The following NTM variants were observed in gnomAD, a reference collection of about 807,000 sequenced individuals.
NTM encodes IgLON family member 2.
A neutral mutation model predicts 42.1 loss-of-function variants in NTM; 13 were observed. The observed-to-expected ratio is 0.31, with a 90% CI of 0.20 to 0.49. The LOEUF is 0.49. Among genes scored for constraint, NTM ranks in the 20% least tolerant of loss-of-function variants. NTM has a pLI of 0.99. For missense variants in NTM, 373 were observed against 452.8 expected, an observed-to-expected ratio of 0.82 and a Z score of 1.60; for synonymous variants, 187 against 179.2, an observed-to-expected ratio of 1.04 and a Z score of -0.35.
intron 3 of NTM, among the ~76,000 whole-genome samples, chr11:132,150,169 A>T (rs768462510): frequency 5.3e-5 from 8 of 152,162 alleles, no homozygotes; most frequent in Non-Finnish European, 1.0e-4. Flanking sequence ...TGAGAGAAAA[A>T]GCCAGAGACA....
chr11:131,980,411 C>T (rs1257311282), intron 2 of NTM, among the ~76,000 whole-genome samples: 4 of 152,128 alleles, frequency 2.6e-5, no homozygotes, highest in African/African-American at 9.7e-5. Flanking sequence ...GCCAAACACC[C>T]ACTTGGAAAT....
chr11:131,927,559 C>T (rs1482999377), intron 2 of NTM, among the ~76,000 whole-genome samples: 1 of 152,220 alleles, frequency 6.6e-6, no homozygotes, highest in Non-Finnish European at 1.5e-5. Flanking sequence ...CCTCTGGAAG[C>T]CACATGCACT....
chr11:131,940,324 C>A (rs547826688), intron 2 of NTM, among the ~76,000 whole-genome samples: 3 of 152,202 alleles, frequency 2.0e-5, no homozygotes, highest in Non-Finnish European at 4.4e-5. Flanking sequence ...TTATCAGCTC[C>A]TCCCAGGCCT....
At chr11:131,900,585 G>C (rs1427658583) in intron 1 of NTM, among the ~76,000 whole-genome samples, 2 of 152,174 alleles carry the variant, frequency 1.3e-5, no homozygotes, top group Non-Finnish European at 2.9e-5. Context: ...TGGAGGTTGA[G>C]AAAGGTGGAT....
At chr11:132,130,827 G>A (rs917424051) in intron 2 of NTM, among the ~76,000 whole-genome samples, 1 of 152,202 alleles carries the variant, frequency 6.6e-6, no homozygotes, top group Non-Finnish European at 1.5e-5. Context: ...CTCACGGTGA[G>A]AACTGCACGG....
chr11:132,000,175 C>T (rs999063651), intron 2 of NTM, among the ~76,000 whole-genome samples: 3 of 152,188 alleles, frequency 2.0e-5, no homozygotes, highest in African/African-American at 7.2e-5. Flanking sequence ...CACTCCCAGA[C>T]AGTCCCTGCC....
In NTM at chr11:132,316,941, T is replaced by C. The variant is rs547723789; in HGVS notation, c.934+2238T>C. ...CAGGTTGGAAAGCAGCATGTACTTT[T>C]TGCGAATATACAAACTTCTTGATGA... On this transcript the variant is annotated intron_variant, in intron 7 of 8. Coordinates refer to ENST00000683400, the MANE Select transcript of NTM (RefSeq NM_001352005.2). Among the ~76,000 whole-genome samples, 10 of 152,270 alleles carry C rather than the reference T, an allele frequency of 6.6e-5. No homozygotes were observed. The East Asian group carries it at 1.7e-3, about 26-fold the overall frequency.
intron 1 of NTM, among the ~76,000 whole-genome samples, chr11:131,676,848 C>T (rs1270965451): frequency 6.6e-6 from 1 of 152,252 alleles, no homozygotes; most frequent in Non-Finnish European, 1.5e-5. Context: ...AGCCCAGATC[C>T]ACTTCAGCCT....
At chr11:131,888,173 C>A (rs750481652) in intron 1 of NTM, among the ~76,000 whole-genome samples, 1 of 151,988 alleles carries the variant, frequency 6.6e-6, no homozygotes, top group African/African-American at 2.4e-5. Context: ...TGGTGGCGTG[C>A]GCCTGTGGTT....
chr11:132,251,734 C>T (rs911712125), intron 4 of NTM, among the ~76,000 whole-genome samples: 2 of 152,168 alleles, frequency 1.3e-5, no homozygotes, highest in Non-Finnish European at 2.9e-5. Context: ...AAATGATCCT[C>T]GGTGTGTATT....
intron 2 of NTM, among the ~76,000 whole-genome samples, chr11:131,976,084 C>T (rs1350667411): frequency 6.6e-6 from 1 of 151,632 alleles, no homozygotes; most frequent in East Asian, 2.0e-4. Flanking sequence ...TTTGATGGTC[C>T]TTCCTTCCCT....
intron 1 of NTM, among the ~76,000 whole-genome samples, chr11:131,392,344 G>C (rs892981446): frequency 6.6e-6 from 1 of 151,532 alleles, no homozygotes; most frequent in Non-Finnish European, 1.5e-5. Flanking sequence ...TGAAGGGATG[G>C]GAGTCCTGTG....
intron 1 of NTM, among the ~76,000 whole-genome samples, chr11:131,844,576 GATGTTGTGTTTCTCTGCCCATGAAC>G (rs1406876580): frequency 5.3e-5 from 8 of 152,224 alleles, no homozygotes; most frequent in Admixed American, 2.0e-4. Context: ...ACATATTTAT[GATGTTGTGTTTCTCTGCCCATGAAC>G]ATGTTATATG....
intron 1 of NTM, chr11:131,910,837 G>A (rs2054745853): frequency 2.0e-6 from 2 of 984,944 alleles, no homozygotes; most frequent in African/African-American, 1.7e-5. Context: ...GCGCGCATTT[G>A]GGCTCCGAGG....
intron 1 of NTM, among the ~76,000 whole-genome samples, chr11:131,403,336 CCTTA>C (rs1945455589): frequency 6.6e-6 from 1 of 152,168 alleles, no homozygotes; most frequent in Admixed American, 6.5e-5. Flanking sequence ...TCACTTCACT[CCTTA>C]CTTTCTATAG....
At chr11:131,763,878 G>T (rs2084678265) in intron 1 of NTM, among the ~76,000 whole-genome samples, 2 of 151,430 alleles carry the variant, frequency 1.3e-5, no homozygotes, top group Admixed American at 6.6e-5. Context: ...TGTTTTCATT[G>T]TTGTTAATAT....
chr11:131,598,782 C>CT lies in NTM; in HGVS notation c.82+227896dup, dbSNP rs1209400630. ...TCTTTCTTTTTTTCTTTCTTTCTTT[C>CT]TTCTTTCTTTCTTTCTTTTTCTTTC... is the stretch of plus-strand genomic sequence containing the variant. On this transcript the variant is annotated intron_variant, in intron 1 of 8. Coordinates refer to ENST00000683400, the MANE Select transcript of NTM (RefSeq NM_001352005.2). 8.5e-3 allele frequency among the ~76,000 whole-genome samples: 506 copies of CT among 59,732 alleles called. 39 individuals carry two copies. Among genetic ancestry groups the CT allele is most frequent in the African/African-American group, 0.024 (474 of 20,160 alleles). The allele number at this position is 59,732 out of a possible 152,430, so 39.2% of individuals were successfully genotyped here.
chr11:132,065,450 G>A (rs2081296694), intron 2 of NTM, among the ~76,000 whole-genome samples: 1 of 152,046 alleles, frequency 6.6e-6, no homozygotes, highest in Admixed American at 6.6e-5. Context: ...TCCTGCACCA[G>A]ATTCCACACT....
chr11:132,056,326 C>T (rs2079647435), intron 2 of NTM, among the ~76,000 whole-genome samples: 1 of 152,118 alleles, frequency 6.6e-6, no homozygotes, highest in Non-Finnish European at 1.5e-5. Context: ...CACGTCATCC[C>T]CTATCCCCAA....
Sources: gnomAD v4.1 joint callset for allele counts (sites outside exome capture counted in the v4.1 genomes callset) on GRCh38, gnomAD v4.1.1 for gene constraint, MANE v1.5 for transcripts, NCBI Gene and HGNC (gene_info 2026-07-23, HGNC 2026-07-21) for gene names.